The following ZNF804A variants were observed in gnomAD, a reference collection of about 807,000 sequenced individuals.
The protein encoded by ZNF804A is zinc finger protein 804A.
ZNF804A carries 2 observed loss-of-function variants against 16.5 expected under a neutral mutation model. That is an observed-to-expected ratio of 0.12 (90% CI 0.05 to 0.38). The LOEUF (loss-of-function observed/expected upper bound fraction) is 0.38. ZNF804A is among the 10% of genes least tolerant of loss of function. The pLI, the probability that ZNF804A is intolerant of heterozygous loss-of-function variation, is 0.99. For missense variants in ZNF804A, 1,473 were observed against 1,390.7 expected (o/e 1.06, Z -0.94); for synonymous variants, 534 against 489.6 (o/e 1.09, Z -1.20).
At position 184,938,547 on chromosome 2, in the gene ZNF804A, G is replaced by A. The variant is rs146441592; in HGVS notation, c.3151G>A (p.Val1051Ile). The A allele has an allele frequency of 2.5e-6, 4 of 1,613,954 alleles. No homozygotes were observed. Among genetic ancestry groups the A allele is most frequent in the Non-Finnish European group, 3.4e-6 (4 of 1,180,020 alleles). Reference sequence around the variant, plus strand: ...CAAATTCAAAAATGTACCATGTGAGGTCTACCAGCACATTCTGCAGCCAAA... The same window carrying A: ...CAAATTCAAAAATGTACCATGTGAGATCTACCAGCACATTCTGCAGCCAAA... ...HDKFKNVPCE[V>I]YQHILQPNML... The change falls in exon 4 of 4, where the codon GTC (valine) becomes ATC (isoleucine). Residue 1051 changes from valine (V) to isoleucine (I), a missense_variant. Physicochemically the swap from Val to Ile is conservative, Grantham distance 29 (BLOSUM62 3). Coordinates refer to ENST00000302277, the MANE Select transcript of ZNF804A (RefSeq NM_194250.2).
At chr2:184,735,493 A>T (rs948145983) in intron 1 of ZNF804A, among the ~76,000 whole-genome samples, 4 of 152,178 alleles carry the variant, frequency 2.6e-5, no homozygotes, top group Non-Finnish European at 5.9e-5. Context: ...CCTAATGTAG[A>T]TGATGGGTTG....
intron 1 of ZNF804A, among the ~76,000 whole-genome samples, chr2:184,652,187 G>T (rs1205254042): frequency 6.6e-6 from 1 of 152,104 alleles, no homozygotes; most frequent in South Asian, 2.1e-4. Context: ...AGTGAAGGTA[G>T]AGAAAACCAA....
At chr2:184,894,786 C>T (rs1411130339) in intron 2 of ZNF804A, among the ~76,000 whole-genome samples, 1 of 152,076 alleles carries the variant, frequency 6.6e-6, no homozygotes, top group Admixed American at 6.5e-5. Context: ...CCCAGGTTCA[C>T]GCCGTTCCCC....
intron 1 of ZNF804A, among the ~76,000 whole-genome samples, chr2:184,713,617 T>C (rs17430973): frequency 0.052 from 7,866 of 152,064 alleles, 260 homozygotes; most frequent in Non-Finnish European, 0.077. Flanking sequence ...TACAGAACAA[T>C]ATCTAATTCT....
chr2:184,639,862 C>T (rs1435568918), intron 1 of ZNF804A, among the ~76,000 whole-genome samples: 1 of 151,840 alleles, frequency 6.6e-6, no homozygotes, highest in Non-Finnish European at 1.5e-5. Flanking sequence ...ATTAGCCAGG[C>T]GAGGGGGCAG....
chr2:184,698,247 G>T (rs1692865899), intron 1 of ZNF804A, among the ~76,000 whole-genome samples: 1 of 151,924 alleles, frequency 6.6e-6, no homozygotes, highest in Non-Finnish European at 1.5e-5. Context: ...GAACATAAAG[G>T]GTTCAACCAT....
chr2:184,698,302 C>G lies in ZNF804A; in HGVS notation c.111+99232C>G, dbSNP rs186928632. On this transcript the variant is annotated intron_variant, in intron 1 of 3. Coordinates refer to ENST00000302277, the MANE Select transcript of ZNF804A (RefSeq NM_194250.2). ...TAAAGTTTTTAAGTTACATTTTAAT[C>G]CTCCAAATTCATTTTTGTATATGGG... 9.2e-5 allele frequency among the ~76,000 whole-genome samples: 14 copies of G among 152,084 alleles called. No individual in the cohort carries two copies. In the East Asian group the frequency reaches 2.3e-3, roughly 25 times the overall value.
intron 1 of ZNF804A, among the ~76,000 whole-genome samples, chr2:184,779,046 A>G (rs1478650773): frequency 4.0e-5 from 6 of 151,706 alleles, no homozygotes; most frequent in Non-Finnish European, 8.8e-5. Flanking sequence ...ACATCCACCA[A>G]CACAATTTCA....
At chr2:184,603,686 G>A (rs1387008286) in intron 1 of ZNF804A, among the ~76,000 whole-genome samples, 1 of 152,298 alleles carries the variant, frequency 6.6e-6, no homozygotes, top group South Asian at 2.1e-4. Flanking sequence ...AGAGAGCTCA[G>A]GGGTGAGGGT....
chr2:184,723,993 T>C (rs1049854969), intron 1 of ZNF804A, among the ~76,000 whole-genome samples: 6 of 151,846 alleles, frequency 4.0e-5, no homozygotes, highest in African/African-American at 1.2e-4. Context: ...TGAAGATCCT[T>C]ATATACTGTA....
chr2:184,772,334 ATTT>A lies in ZNF804A; in HGVS notation c.112-94034_112-94032del, dbSNP rs1452286225. ...TCCAGCCTTATGCAACAAATGATCC[ATTT>A]CCCATCTCTATAGGTTGCCTATTCT... On this transcript the variant is annotated intron_variant, in intron 1 of 3. Transcript: ENST00000302277. 3.3e-5 allele frequency among the ~76,000 whole-genome samples: 5 copies of A among 150,756 alleles called. 1 individual carries two copies. The South Asian group carries it at 1.0e-3, about 32-fold the overall frequency.
intron 2 of ZNF804A, among the ~76,000 whole-genome samples, chr2:184,877,171 C>T (rs115166888): frequency 0.029 from 4,404 of 151,972 alleles, 96 homozygotes; most frequent in Admixed American, 0.043. Flanking sequence ...TTTATTTTAC[C>T]ATTTTATTTT....
intron 1 of ZNF804A, among the ~76,000 whole-genome samples, chr2:184,837,958 A>G (rs115103722): frequency 0.019 from 2,901 of 152,214 alleles, 46 homozygotes; most frequent in Admixed American, 0.051. Flanking sequence ...AACAGCAGGA[A>G]AAAAGGCAGT....
intron 1 of ZNF804A, among the ~76,000 whole-genome samples, chr2:184,770,451 C>T (rs1353180795): frequency 6.6e-6 from 1 of 152,074 alleles, no homozygotes; most frequent in African/African-American, 2.4e-5. Context: ...TGCAGTTCCA[C>T]TCCCTTTAGG....
At chr2:184,836,699 T>TA (rs1320786939) in intron 1 of ZNF804A, among the ~76,000 whole-genome samples, 5 of 124,394 alleles carry the variant, frequency 4.0e-5, no homozygotes, top group East Asian at 2.1e-4. Context: ...ATATATATAT[T>TA]TTTTTTTTAT....
At chr2:184,849,763 C>T (rs1473411870) in intron 1 of ZNF804A, among the ~76,000 whole-genome samples, 1 of 151,992 alleles carries the variant, frequency 6.6e-6, no homozygotes, top group Non-Finnish European at 1.5e-5. Flanking sequence ...GATATCTGCA[C>T]TCCTATGCTT....
At chr2:184,869,278 C>T (rs1374773700) in intron 2 of ZNF804A, among the ~76,000 whole-genome samples, 2 of 151,976 alleles carry the variant, frequency 1.3e-5, no homozygotes, top group African/African-American at 4.8e-5. Context: ...GTCACTTAAG[C>T]ACTTAAGTGT....
chr2:184,817,051 A>G (rs1694993944), intron 1 of ZNF804A, among the ~76,000 whole-genome samples: 1 of 151,994 alleles, frequency 6.6e-6, no homozygotes, highest in Non-Finnish European at 1.5e-5. Context: ...CACTGTAAAT[A>G]TTGTATTTAA....
chr2:184,778,120 G>C (rs920518565), intron 1 of ZNF804A, among the ~76,000 whole-genome samples: 8 of 151,598 alleles, frequency 5.3e-5, no homozygotes, highest in African/African-American at 9.7e-5. Flanking sequence ...ATGCTGCAAA[G>C]TAGCTGTGTT....
Sources: gnomAD v4.1 joint callset for allele counts (sites outside exome capture counted in the v4.1 genomes callset) on GRCh38, gnomAD v4.1.1 for gene constraint, MANE v1.5 for transcripts, NCBI Gene and HGNC (gene_info 2026-07-23, HGNC 2026-07-21) for gene names.